CMSS1: variants seen among roughly 807,000 people sequenced by gnomAD.
The protein encoded by CMSS1 is protein CMSS1.
Under a neutral mutation model 43.5 loss-of-function variants are expected in CMSS1, and 33 were observed. The ratio of observed to expected loss-of-function variants is 0.76; its 90% confidence interval spans 0.57 to 1.01. The LOEUF is 1.01. Among genes scored for constraint, CMSS1 ranks in the 50% least tolerant of loss-of-function variants. The pLI is 0.00. For synonymous variants in CMSS1, 115 were observed against 117.2 expected (o/e 0.98, Z 0.12); for missense variants, 313 against 326.4 (o/e 0.96, Z 0.32).
intron 1 of CMSS1, among the ~76,000 whole-genome samples, chr3:100,084,171 G>A (rs1364397559): frequency 1.3e-5 from 2 of 152,080 alleles, no homozygotes; most frequent in Admixed American, 6.6e-5. Flanking sequence ...ATGCATTTGT[G>A]CCCCAGTTAA....
chr3:99,876,475 T>G (rs1019040199), intron 1 of CMSS1, among the ~76,000 whole-genome samples: 1 of 152,256 alleles, frequency 6.6e-6, no homozygotes, highest in East Asian at 1.9e-4. Context: ...CTTTTTTCCC[T>G]CTGGGTCCCT....
At chr3:100,152,968 C>G (rs1458805960) in intron 2 of CMSS1, among the ~76,000 whole-genome samples, 1 of 152,222 alleles carries the variant, frequency 6.6e-6, no homozygotes, top group South Asian at 2.1e-4. Flanking sequence ...AATCAGTACA[C>G]TCACTCCAGA....
At chr3:99,958,436 G>A (rs1036481764) in intron 1 of CMSS1, among the ~76,000 whole-genome samples, 7 of 152,022 alleles carry the variant, frequency 4.6e-5, no homozygotes, top group Non-Finnish European at 8.8e-5. Flanking sequence ...ACTGAGCCCA[G>A]CAGGAAAGTG....
chr3:99,869,573 A>G (rs793502), intron 1 of CMSS1, among the ~76,000 whole-genome samples: 77,424 of 151,900 alleles, frequency 0.51, 20,199 homozygotes, highest in African/African-American at 0.6. Context: ...GACTTCCACA[A>G]TATCTCACTG....
chr3:99,966,735 T>A (rs888031473), intron 1 of CMSS1, among the ~76,000 whole-genome samples: 1 of 152,202 alleles, frequency 6.6e-6, no homozygotes, highest in East Asian at 1.9e-4. Flanking sequence ...TGTGTCAGAT[T>A]TGAAAAATCA....
At chr3:99,860,506 A>C (rs1431670441) in intron 1 of CMSS1, among the ~76,000 whole-genome samples, 1 of 152,202 alleles carries the variant, frequency 6.6e-6, no homozygotes, top group Admixed American at 6.5e-5. Context: ...ACTGAGAAAA[A>C]GGGTCTCTGA....
intron 1 of CMSS1, among the ~76,000 whole-genome samples, chr3:99,818,688 T>A (rs982174655): frequency 5.3e-5 from 8 of 152,216 alleles, no homozygotes; most frequent in African/African-American, 1.7e-4. Flanking sequence ...TCACTTATTT[T>A]ACAGATGAGA....
intron 1 of CMSS1, among the ~76,000 whole-genome samples, chr3:99,860,924 A>G (rs1359093930): frequency 6.6e-5 from 10 of 152,168 alleles, no homozygotes; most frequent in Non-Finnish European, 1.3e-4. Flanking sequence ...TTTTCTTATT[A>G]AAAATACCTA....
intron 1 of CMSS1, among the ~76,000 whole-genome samples, chr3:100,018,022 GT>G (rs1710395206): frequency 6.6e-6 from 1 of 152,016 alleles, no homozygotes; most frequent in Non-Finnish European, 1.5e-5. Flanking sequence ...GTTGTGCACA[GT>G]GACCAATATG....
intron 1 of CMSS1, among the ~76,000 whole-genome samples, chr3:100,021,991 GAGAT>G (rs2064833851): frequency 1.4e-5 from 2 of 147,820 alleles, no homozygotes; most frequent in African/African-American, 5.1e-5. Flanking sequence ...GAGAGAGAGA[GAGAT>G]ATGAGGGGGG....
At chr3:100,118,950 A>G (rs1476383032) in intron 1 of CMSS1, among the ~76,000 whole-genome samples, 1 of 152,156 alleles carries the variant, frequency 6.6e-6, no homozygotes, top group Non-Finnish European at 1.5e-5. Flanking sequence ...CAAGAAAAAC[A>G]TTCCTAATCT....
At position 100,066,890 on chromosome 3, in the gene CMSS1, C is replaced by A. The variant is rs1207476944; in HGVS notation, c.65-80083C>A. 2.0e-5 allele frequency among the ~76,000 whole-genome samples: 3 copies of A among 152,100 alleles called. No homozygotes were observed. The East Asian group carries it at 5.8e-4, about 29-fold the overall frequency. ...TCACAGTTTAAAGATTTTTACTTGA[C>A]CATACCATATTTATAGCCAGTCATT... On this transcript the variant is annotated intron_variant, in intron 1 of 9. Transcript: ENST00000421999.
At chr3:99,928,213 A>G (rs1396174767) in intron 1 of CMSS1, among the ~76,000 whole-genome samples, 18 of 152,248 alleles carry the variant, frequency 1.2e-4, no homozygotes. Flanking sequence ...AATCCTAGGC[A>G]GAATTCCCCT....
intron 1 of CMSS1, chr3:99,849,804 C>T: frequency 6.2e-7 from 1 of 1,612,952 alleles, no homozygotes; most frequent in African/African-American, 1.3e-5. Context: ...GCTCCTTAAT[C>T]TTATTGTTTT....
chr3:100,007,353 A>G (rs190654739), intron 1 of CMSS1, among the ~76,000 whole-genome samples: 79 of 152,260 alleles, frequency 5.2e-4, no homozygotes, highest in Middle Eastern at 3.4e-3. Context: ...AGCTTTGATG[A>G]TGTGTCTGCC....
chr3:100,007,916 A>T lies in CMSS1; in HGVS notation c.65-139057A>T, dbSNP rs545456195. Among the ~76,000 whole-genome samples, 8 of 152,310 alleles carry T rather than the reference A, an allele frequency of 5.3e-5. No individual in the cohort carries two copies. In the South Asian group the frequency reaches 1.2e-3, roughly 24 times the overall value. On this transcript the variant is annotated intron_variant, in intron 1 of 9. Transcript: ENST00000421999. ...ACCCACTGGGTAATGCATTGCATAT[A>T]GTTACTAGTTTTTAAAATAGTTAAC...
At chr3:100,032,661 T>C (rs1432084073) in intron 1 of CMSS1, among the ~76,000 whole-genome samples, 1 of 152,224 alleles carries the variant, frequency 6.6e-6, no homozygotes. Context: ...AAAGAACCTG[T>C]AAATGTAAAA....
At chr3:100,122,877 A>G (rs1451310181) in intron 1 of CMSS1, among the ~76,000 whole-genome samples, 1 of 152,256 alleles carries the variant, frequency 6.6e-6, no homozygotes. Context: ...TTATGGTAGT[A>G]AAAACATAAA....
chr3:99,841,837 G>A (rs1465549314), intron 1 of CMSS1, among the ~76,000 whole-genome samples: 1 of 152,092 alleles, frequency 6.6e-6, no homozygotes. Flanking sequence ...AAAAATAATA[G>A]ATGTTGGTGT....
Sources: allele counts gnomAD v4.1 joint callset (sites outside exome capture counted in the v4.1 genomes callset), GRCh38; gene constraint gnomAD v4.1.1; transcripts MANE v1.5; gene names NCBI Gene and HGNC (gene_info 2026-07-23, HGNC 2026-07-21).